Variants in HDLBP observed in about 807,000 individuals in gnomAD.
HDLBP encodes vigilin.
Under a neutral mutation model 137.3 loss-of-function variants are expected in HDLBP, and 30 were observed. That is an observed-to-expected ratio of 0.22 (90% CI 0.16 to 0.30). HDLBP has a LOEUF of 0.30. Among genes scored for constraint, HDLBP ranks in the 10% least tolerant of loss-of-function variants. HDLBP has a pLI of 1.00. For synonymous variants in HDLBP, 606 were observed against 596.0 expected (o/e 1.02, Z -0.24); for missense variants, 1,119 against 1,667.3 (o/e 0.67, Z 5.73).
rs372425746 is a variant in HDLBP at position 241,229,554 on chromosome 2, T to C, written c.*47A>G. The C allele has an allele frequency of 2.9e-6, 4 of 1,369,564 alleles. No individual in the cohort carries two copies. The African/African-American group carries it at 4.3e-5, about 15-fold the overall frequency. The allele number at this position is 1,369,564 out of a possible 1,614,324, so 84.8% of individuals were successfully genotyped here. On this transcript the variant is annotated 3_prime_UTR_variant, in exon 28 of 28. Transcript: ENST00000310931. ...CAGATTGAGACAAACCATTGTGTGG[T>C]TGGGTTTGGGTCAGCAGGCTGGAGA...
rs969167341 is a variant in HDLBP, at chr2:241,240,546, C to T, written c.2170-424G>A. 6.6e-6 allele frequency among the ~76,000 whole-genome samples: 1 copy of T among 152,176 alleles called. No homozygotes were observed. The highest frequency in any genetic ancestry group is 1.9e-4 in the East Asian group (1 of 5,190). ...AGCTGCCCAAGAGGTGTGCACCATGCTCCCACTCTTCTACCTGCTTCCAGA... is the reference window on the plus strand; with the variant it reads ...AGCTGCCCAAGAGGTGTGCACCATGTTCCCACTCTTCTACCTGCTTCCAGA... On this transcript the variant is annotated intron_variant, in intron 17 of 27. Coordinates refer to ENST00000310931, the MANE Select transcript of HDLBP (RefSeq NM_005336.6). The surrounding 1 kb of genome is among the most constrained non-coding windows in gnomAD (Gnocchi z 5.5).
chr2:241,308,999 G>A (rs1424795075), intron 1 of HDLBP, among the ~76,000 whole-genome samples: 3 of 151,988 alleles, frequency 2.0e-5, no homozygotes, highest in African/African-American at 4.8e-5. Context: ...TTCCTCTAAC[G>A]TGCACAACAC....
intron 1 of HDLBP, among the ~76,000 whole-genome samples, chr2:241,309,961 A>T: frequency 6.6e-6 from 1 of 152,174 alleles, no homozygotes; most frequent in East Asian, 1.9e-4. Context: ...AGTGAAAGCC[A>T]CAGTCAGCCA....
chr2:241,253,102 C>A, intron 10 of HDLBP, 67 bp from the exon 11 acceptor site: 1 of 1,168,328 alleles, frequency 8.6e-7, no homozygotes, highest in East Asian at 2.4e-5. Flanking sequence ...AACCAAAACC[C>A]AGCAGTCTCC....
intron 1 of HDLBP, among the ~76,000 whole-genome samples, chr2:241,279,045 A>G (rs115140256): frequency 9.0e-6 from 1 of 111,572 alleles, no homozygotes; most frequent in African/African-American, 3.2e-5. Context: ...CTCTAAAAAA[A>G]TTTTTTAAAA....
At chr2:241,286,669 C>T (rs550558196) in intron 1 of HDLBP, among the ~76,000 whole-genome samples, 35 of 152,326 alleles carry the variant, frequency 2.3e-4, no homozygotes, top group African/African-American at 7.2e-4. Flanking sequence ...GGCTGGGTCA[C>T]GGGTGCGCGT....
intron 1 of HDLBP, among the ~76,000 whole-genome samples, chr2:241,304,596 T>C (rs1049703198): frequency 4.6e-5 from 7 of 152,242 alleles, no homozygotes; most frequent in African/African-American, 1.7e-4. Flanking sequence ...ACACATTTAC[T>C]GAATATGTAC....
chr2:241,282,221 C>G (rs536165472), intron 1 of HDLBP, among the ~76,000 whole-genome samples: 1 of 152,242 alleles, frequency 6.6e-6, no homozygotes, highest in African/African-American at 2.4e-5. Flanking sequence ...GCAAAAGATA[C>G]AAGCAGGCCT....
At chr2:241,278,302 G>A (rs1236420999) in intron 1 of HDLBP, among the ~76,000 whole-genome samples, 2 of 152,228 alleles carry the variant, frequency 1.3e-5, no homozygotes, top group African/African-American at 4.8e-5. Flanking sequence ...GATTCAAATA[G>A]GCTGGGCACG....
intron 5 of HDLBP, among the ~76,000 whole-genome samples, chr2:241,261,617 G>A (rs1022822778): frequency 6.6e-6 from 1 of 152,192 alleles, no homozygotes; most frequent in Non-Finnish European, 1.5e-5. Context: ...AATATCCACT[G>A]ACTAGCAGAC....
At chr2:241,260,842 TCA>T (rs2073100996) in intron 5 of HDLBP, among the ~76,000 whole-genome samples, 1 of 152,008 alleles carries the variant, frequency 6.6e-6, no homozygotes, top group Non-Finnish European at 1.5e-5. Flanking sequence ...CCAAAAATAA[TCA>T]GTCAATAGCA....
At chr2:241,309,358 G>A (rs2075692101) in intron 1 of HDLBP, among the ~76,000 whole-genome samples, 1 of 152,136 alleles carries the variant, frequency 6.6e-6, no homozygotes, top group African/African-American at 2.4e-5. Flanking sequence ...ACGAGCCGTT[G>A]TCAGATCAAT....
At chr2:241,262,615 G>C in intron 5 of HDLBP, 96 bp downstream of exon 5, 8 of 894,676 alleles carry the variant, frequency 8.9e-6, no homozygotes, top group Non-Finnish European at 1.3e-5. Context: ...TGTCCCACTG[G>C]TAGGAAGGGT....
At chr2:241,270,035 C>T (rs1338486847) in intron 1 of HDLBP, among the ~76,000 whole-genome samples, 1 of 152,328 alleles carries the variant, frequency 6.6e-6, no homozygotes, top group East Asian at 1.9e-4. Flanking sequence ...GACAGCCACA[C>T]TAGAAGTCTG....
intron 11 of HDLBP, chr2:241,250,883 GAACA>G (rs1353347174): frequency 1.3e-5 from 2 of 152,058 alleles, no homozygotes; most frequent in Admixed American, 6.5e-5. Context: ...GAAGAAAACA[GAACA>G]GACATGACTG....
intron 12 of HDLBP, among the ~76,000 whole-genome samples, 194 bp downstream of exon 12, chr2:241,249,647 G>A (rs2071962292): frequency 6.6e-6 from 1 of 152,256 alleles, no homozygotes; most frequent in Non-Finnish European, 1.5e-5. Flanking sequence ...CACAGCCATG[G>A]AGAACAAGAC....
At position 241,238,152 on chromosome 2, in the gene HDLBP, G is replaced by A. The variant is rs2070786620; in HGVS notation, c.2749+497C>T. ...CCACAGGTCGCCTCCCCACCACCAG[G>A]TGCATGAGCAGAGCTGGGGGCAAGC... On this transcript the variant is annotated intron_variant, in intron 20 of 27. Coordinates refer to ENST00000310931, the MANE Select transcript of HDLBP (RefSeq NM_005336.6). The surrounding 1 kb of genome is among the most constrained non-coding windows in gnomAD (Gnocchi z 4.9). 1 of 152,440 alleles carries A rather than the reference G, an allele frequency of 6.6e-6. No individual in the cohort carries two copies. The highest frequency in any genetic ancestry group is 2.4e-5 in the African/African-American group (1 of 41,456). The allele number at this position is 152,440 out of a possible 1,614,324, so 9.4% of individuals were successfully genotyped here. A position where few individuals can be genotyped will look rare whatever the true frequency, so the allele number is the denominator to read the frequency against.
At position 241,249,400 on chromosome 2, in the gene HDLBP, C is replaced by G. The variant is rs546109608; in HGVS notation, c.1512+441G>C. The stretch of plus-strand genomic sequence containing the variant: ...CAGCTTGGCATAAGCATGTATGAAA[C>G]GTCGGGGAGCCCAGAGCAGTGCAGT... On this transcript the variant is annotated intron_variant, in intron 12 of 27. Coordinates refer to ENST00000310931, the MANE Select transcript of HDLBP (RefSeq NM_005336.6). 3 of 473,566 alleles carry G rather than the reference C, an allele frequency of 6.3e-6. No individual in the cohort carries two copies. In the Admixed American group the frequency reaches 7.0e-5, roughly 11 times the overall value. 29.3% of individuals were successfully genotyped at this position (473,566 alleles called of 1,614,324 possible).
chr2:241,303,678 G>A (rs2075466037), intron 1 of HDLBP, among the ~76,000 whole-genome samples: 1 of 152,166 alleles, frequency 6.6e-6, no homozygotes, highest in Admixed American at 6.5e-5. Context: ...ATACAAAAGT[G>A]ACACCTTGAG....
Sources: allele counts gnomAD v4.1 joint callset (sites outside exome capture counted in the v4.1 genomes callset), GRCh38; gene constraint gnomAD v4.1.1; non-coding constraint Gnocchi (gnomAD v3.1); transcripts MANE v1.5; gene names NCBI Gene and HGNC (gene_info 2026-07-23, HGNC 2026-07-21).